NPRL3: variants seen among roughly 807,000 people sequenced by gnomAD.
NPRL3 encodes the protein NPR3 like, GATOR1 complex subunit, also known as GATOR1 complex protein NPRL3.
NPRL3 carries 23 observed loss-of-function variants against 57.2 expected under a neutral mutation model. The observed-to-expected ratio is 0.40, with a 90% CI of 0.29 to 0.57. NPRL3 has a LOEUF of 0.57. NPRL3 is among the 20% of genes least tolerant of loss of function. The pLI is 0.42. For synonymous variants in NPRL3, 333 were observed against 321.1 expected, an observed-to-expected ratio of 1.04 and a Z score of -0.39; for missense variants, 691 against 767.1, an observed-to-expected ratio of 0.90 and a Z score of 1.17.
intron 10 of NPRL3, 31 bp downstream of exon 10, chr16:93,188 G>C: frequency 7.0e-7 from 1 of 1,419,576 alleles, no homozygotes; most frequent in South Asian, 1.2e-5. Flanking sequence ...CCCACTCGGG[G>C]CTCCAGGCTC....
chr16:118,508 A>C (rs1900142937), intron 4 of NPRL3, among the ~76,000 whole-genome samples: 1 of 152,182 alleles, frequency 6.6e-6, no homozygotes, highest in Non-Finnish European at 1.5e-5. Context: ...TAGTTAACTC[A>C]CTATCTTGGC....
intron 12 of NPRL3, chr16:89,137 G>A (rs1351989773): frequency 1.1e-5 from 6 of 528,236 alleles, no homozygotes; most frequent in Admixed American, 3.2e-5. Context: ...GAGGTGCGAT[G>A]TGTGCCCCAC....
chr16:132,092 A>T (rs1900839070), intron 2 of NPRL3, among the ~76,000 whole-genome samples: 1 of 150,768 alleles, frequency 6.6e-6, no homozygotes, highest in African/African-American at 2.5e-5. Context: ...TACAGTCTTG[A>T]CCTCCCAAGG....
rs117831393 is a variant in NPRL3, at chr16:91,955, C to A, written c.1161+641G>T. ...CCCACAGGGGAAGCCACTGGCCCTG[C>A]CACAGATGCAGGTGCACCAGTTCAT... On this transcript the variant is annotated intron_variant, in intron 11 of 13. Coordinates refer to ENST00000611875, the MANE Select transcript of NPRL3 (RefSeq NM_001077350.3). Among the ~76,000 whole-genome samples the A allele has an allele frequency of 5.3e-3, 812 of 152,288 alleles. 7 individuals are homozygous for A. Among genetic ancestry groups the A allele is most frequent in the Non-Finnish European group, 9.1e-3 (616 of 68,016 alleles).
Position 86,127 on chromosome 16 carries a change from G to C in NPRL3, c.*578C>G. On this transcript the variant is annotated 3_prime_UTR_variant, in exon 14 of 14. Coordinates refer to ENST00000611875, the MANE Select transcript of NPRL3 (RefSeq NM_001077350.3). ...ATGGTCAGGACCAGGTCACAGCTTG[G>C]CTATGAGCCTGTTTGCGGCTTCTGT... is the stretch of plus-strand genomic sequence containing the variant. 4.2e-6 allele frequency: 1 copy of C among 236,600 alleles called. No individual in the cohort carries two copies. Among genetic ancestry groups the C allele is most frequent in the Non-Finnish European group, 8.2e-6 (1 of 122,616 alleles). 14.7% of individuals were successfully genotyped at this position (236,600 alleles called of 1,614,324 possible).
chr16:128,632 G>C (rs1163188246), intron 3 of NPRL3, among the ~76,000 whole-genome samples: 1 of 152,222 alleles, frequency 6.6e-6, no homozygotes, highest in Non-Finnish European at 1.5e-5. Flanking sequence ...GCCGGGCGTG[G>C]TGGCAGTCGC....
At position 86,708 on chromosome 16, in the gene NPRL3, G is replaced by C; in HGVS notation, c.1707C>G (p.Pro569=). The change falls in exon 14 of 14, where the codon CCC becomes CCG. Residue 569 remains proline, a synonymous_variant. Transcript: ENST00000611875. ...PVIAVFQALL[P] The stretch of plus-strand genomic sequence containing the variant: ...GCCTTCCGCCCTCCGCCTGGGCTCA[G>C]GGGAGCAGAGCCTGGAAGACGGCAA... The C allele has an allele frequency of 6.4e-7, 1 of 1,553,270 alleles. No homozygotes were observed. Among genetic ancestry groups the C allele is most frequent in the Non-Finnish European group, 8.7e-7 (1 of 1,148,938 alleles).
intron 4 of NPRL3, 36 bp downstream of exon 4, chr16:119,090 C>T: frequency 6.2e-7 from 1 of 1,610,524 alleles, no homozygotes; most frequent in Non-Finnish European, 8.5e-7. Context: ...CCACATCTGC[C>T]CAGGGAGAGC....
chr16:119,791 C>T (rs1454937826), intron 3 of NPRL3, among the ~76,000 whole-genome samples: 5 of 152,240 alleles, frequency 3.3e-5, no homozygotes, highest in African/African-American at 4.8e-5. Context: ...GCTGCCCATC[C>T]GTTCCCTTAT....
At chr16:112,040 T>G (rs1347317827) in intron 6 of NPRL3, among the ~76,000 whole-genome samples, 1 of 152,198 alleles carries the variant, frequency 6.6e-6, no homozygotes, top group Non-Finnish European at 1.5e-5. Flanking sequence ...ATAACCCAAT[T>G]AGGTCCTCCT....
At position 86,884 on chromosome 16, in the gene NPRL3, G is replaced by A; in HGVS notation, c.1545-14C>T. ...TAGTGAAGGAGCCTGGAAGGGATGGGTGGGTGTGAGCCCAACCTGACACCA... is the reference window on the plus strand; with the variant it reads ...TAGTGAAGGAGCCTGGAAGGGATGGATGGGTGTGAGCCCAACCTGACACCA... On this transcript the variant is annotated splice_polypyrimidine_tract_variant and intron_variant, in intron 13 of 13. Coordinates refer to ENST00000611875, the MANE Select transcript of NPRL3 (RefSeq NM_001077350.3). The A allele has an allele frequency of 2.5e-6, 4 of 1,610,080 alleles. No individual in the cohort carries two copies. The highest frequency in any genetic ancestry group is 3.4e-6 in the Non-Finnish European group (4 of 1,178,082).
intron 9 of NPRL3, among the ~76,000 whole-genome samples, chr16:97,203 C>A (rs1481047119): frequency 6.6e-6 from 1 of 152,158 alleles, no homozygotes; most frequent in Non-Finnish European, 1.5e-5. Context: ...CACAGCTGAT[C>A]CCATGGCCTG....
In NPRL3 at chr16:86,711, G is replaced by A. The variant is rs567324265; in HGVS notation, c.1704C>T (p.Leu568=). The A allele has an allele frequency of 1.9e-6, 3 of 1,554,782 alleles. No individual in the cohort carries two copies. The highest frequency in any genetic ancestry group is 2.4e-5 in the South Asian group (2 of 84,376). Residue 568 remains leucine (L), a synonymous_variant, in exon 14 of 14, where the codon CTC becomes CTT. Transcript: ENST00000611875. ...DPVIAVFQAL[L]P ...TTCCGCCCTCCGCCTGGGCTCAGGG[G>A]AGCAGAGCCTGGAAGACGGCAATGA...
intron 12 of NPRL3, chr16:89,180 C>G (rs1367705220): frequency 2.3e-6 from 1 of 435,706 alleles, no homozygotes; most frequent in African/African-American, 2.0e-5. Flanking sequence ...GCATCCTGTC[C>G]CTCACCCAGG....
chr16:134,684 A>AATTATTATTATTATT (rs201304972), intron 2 of NPRL3, among the ~76,000 whole-genome samples: 42 of 118,662 alleles, frequency 3.5e-4, no homozygotes, highest in African/African-American at 1.3e-3. Context: ...AAGTCACAGT[A>AATTATTATTATTATT]ATTATTATTA....
chr16:130,895 T>C (rs527873414), intron 2 of NPRL3, among the ~76,000 whole-genome samples: 1 of 152,332 alleles, frequency 6.6e-6, no homozygotes, highest in Admixed American at 6.5e-5. Flanking sequence ...TGAAGAGTTA[T>C]TGGTCAGTGG....
At chr16:95,978 T>A (rs1898987963) in intron 9 of NPRL3, among the ~76,000 whole-genome samples, 1 of 152,164 alleles carries the variant, frequency 6.6e-6, no homozygotes, top group African/African-American at 2.4e-5. Context: ...CCCAGGGGCT[T>A]CCGCACCGCC....
chr16:134,610 G>A (rs1397298540), intron 2 of NPRL3, among the ~76,000 whole-genome samples: 3 of 150,778 alleles, frequency 2.0e-5, no homozygotes, highest in South Asian at 4.2e-4. Flanking sequence ...ATAAAGCACA[G>A]CCAGGATAAC....
At position 89,404 on chromosome 16, in the gene NPRL3, G is replaced by A. The variant is rs113751102; in HGVS notation, c.1351+309C>T. 416 of 363,366 alleles carry A rather than the reference G, an allele frequency of 1.1e-3. 3 individuals are homozygous for A. The highest frequency in any genetic ancestry group is 1.7e-3 in the Admixed American group (38 of 22,086). The allele number at this position is 363,366 out of a possible 1,614,324, so 22.5% of individuals were successfully genotyped here. On this transcript the variant is annotated intron_variant, in intron 12 of 13. Transcript: ENST00000611875. ...GGGCGCAGAGGTGTCAGCTGTCCTG[G>A]TAGTGGTATGAGATCCTGCTCTGCT...
Sources: allele counts gnomAD v4.1 joint callset (sites outside exome capture counted in the v4.1 genomes callset), GRCh38; gene constraint gnomAD v4.1.1; transcripts MANE v1.5; gene names NCBI Gene and HGNC (gene_info 2026-07-23, HGNC 2026-07-21).